Variants in ARID1A observed in about 807,000 individuals in gnomAD.
The protein encoded by ARID1A is AT-rich interactive domain-containing protein 1A.
A neutral mutation model predicts 212.6 loss-of-function variants in ARID1A; 20 were observed. The observed-to-expected ratio is 0.09, with a 90% CI of 0.07 to 0.14. The LOEUF is 0.14. ARID1A is among the 10% of genes least tolerant of loss of function. The pLI, the probability that ARID1A is intolerant of heterozygous loss-of-function variation, is 1.00. For missense variants in ARID1A, 2,587 were observed against 3,059.0 expected (o/e 0.85, Z 3.64); for synonymous variants, 1,376 against 1,222.1 (o/e 1.13, Z -2.63).
At position 26,774,207 on chromosome 1, in the gene ARID1A, AT is replaced by A; in HGVS notation, c.4102-120del. The A allele has an allele frequency of 3.4e-6, 5 of 1,463,194 alleles. No homozygotes were observed. The highest frequency in any genetic ancestry group is 4.5e-6 in the Non-Finnish European group (5 of 1,105,876). 90.6% of individuals were successfully genotyped at this position (1,463,194 alleles called of 1,614,324 possible). On this transcript the variant is annotated intron_variant, in intron 17 of 19. Transcript: ENST00000324856. The surrounding 1 kb of genome is among the most constrained non-coding windows in gnomAD (Gnocchi z 5.6). ...CTTCAAAAGACAATTTGTTAAGGTGATTCCCATGTTTTCTTGGAGTCTGTGT... is the reference window on the plus strand; with the variant it reads ...CTTCAAAAGACAATTTGTTAAGGTGATCCCATGTTTTCTTGGAGTCTGTGT...
rs2124126698 is a variant in ARID1A at position 26,775,637 on chromosome 1, C to T, written c.5054C>T (p.Thr1685Ile). Reference sequence around the variant, plus strand: ...AAGTCTGGTCTCCTGGCAGAGAGCACATGGGCATTAGATACCATCAACATC... The same window carrying T: ...AAGTCTGGTCTCCTGGCAGAGAGCATATGGGCATTAGATACCATCAACATC... ...SLKSGLLAES[T>I]WALDTINILL... Residue 1685 changes from threonine to isoleucine, a missense_variant, in exon 19 of 20, where the codon ACA becomes ATA. Physicochemically the swap from Thr to Ile is moderately conservative, Grantham distance 89. Coordinates refer to ENST00000324856, the MANE Select transcript of ARID1A (RefSeq NM_006015.6). 6.2e-7 allele frequency: 1 copy of T among 1,614,172 alleles called. No individual in the cohort carries two copies. The highest frequency in any genetic ancestry group is 8.5e-7 in the Non-Finnish European group (1 of 1,180,034).
chr1:26,764,493 T>C (rs571434394), intron 8 of ARID1A: 1 of 152,328 alleles, frequency 6.6e-6, no homozygotes, highest in East Asian at 1.9e-4. Flanking sequence ...TTTTATGTGG[T>C]CCTACGTGTT....
intron 4 of ARID1A, among the ~76,000 whole-genome samples, chr1:26,753,679 T>C (rs996208114): frequency 1.3e-5 from 2 of 152,194 alleles, no homozygotes; most frequent in Admixed American, 6.5e-5. Flanking sequence ...TCAGCAGGAT[T>C]ATACTTGGAG....
At chr1:26,760,697 ATTT>A (rs890514165) in intron 4 of ARID1A, among the ~76,000 whole-genome samples, 156 bp from the exon 5 acceptor site, 1 of 149,856 alleles carries the variant, frequency 6.7e-6, no homozygotes, top group Non-Finnish European at 1.5e-5. Flanking sequence ...AAAAAAAAAA[ATTT>A]TTTTTTTTAA....
chr1:26,757,550 C>T (rs939037605), intron 4 of ARID1A, among the ~76,000 whole-genome samples: 3 of 151,948 alleles, frequency 2.0e-5, no homozygotes, highest in African/African-American at 7.3e-5. Context: ...TTGAGGGCAA[C>T]AGAAGGACAG....
Position 26,771,448 on chromosome 1 carries a change from C to T in ARID1A, c.3406+122C>T, listed in dbSNP as rs2081082016. On this transcript the variant is annotated intron_variant, in intron 12 of 19. Transcript: ENST00000324856. The surrounding 1 kb of genome is among the most constrained non-coding windows in gnomAD (Gnocchi z 5.4). ...GCCAAGGATCTGTGCTCTGCCTTGC[C>T]CTACCACAGGGCTTAACAGGTTGGC... 8.9e-7 allele frequency: 1 copy of T among 1,129,530 alleles called. No individual in the cohort carries two copies. Among genetic ancestry groups the T allele is most frequent in the Non-Finnish European group, 1.3e-6 (1 of 795,568 alleles). 70.0% of individuals were successfully genotyped at this position (1,129,530 alleles called of 1,614,324 possible).
At chr1:26,749,648 G>C (rs532664755) in intron 4 of ARID1A, among the ~76,000 whole-genome samples, 2 of 152,172 alleles carry the variant, frequency 1.3e-5, no homozygotes, top group Non-Finnish European at 2.9e-5. Context: ...GCAGAGGTGG[G>C]TTAGAACAGC....
At chr1:26,711,279 T>C (rs879764696) in intron 1 of ARID1A, among the ~76,000 whole-genome samples, 6 of 151,868 alleles carry the variant, frequency 4.0e-5, no homozygotes, top group Non-Finnish European at 8.8e-5. Context: ...GCTAATTTTA[T>C]TTATTTATTT....
intron 1 of ARID1A, among the ~76,000 whole-genome samples, chr1:26,709,871 C>T (rs1405409381): frequency 4.0e-5 from 6 of 150,014 alleles, no homozygotes; most frequent in Non-Finnish European, 5.9e-5. Flanking sequence ...CTCGCTCTGT[C>T]GGCCAGGCTG....
chr1:26,773,600 C>CTGA lies in ARID1A; in HGVS notation c.3888_3890dup (p.Pro1296_Glu1297insAsp). 1 of 1,614,184 alleles carries CTGA rather than the reference C, an allele frequency of 6.2e-7. No individual in the cohort carries two copies. Among genetic ancestry groups the CTGA allele is most frequent in the Non-Finnish European group, 8.5e-7 (1 of 1,180,022 alleles). On this transcript the variant is annotated inframe_insertion, in exon 16 of 20. Coordinates refer to ENST00000324856, the MANE Select transcript of ARID1A (RefSeq NM_006015.6). Reference sequence around the variant, plus strand: ...TTTAGGACGGAGCCTGGAATAGGGCCTGAGGGAAACATGAGCACTGGGGCC... The same window carrying CTGA: ...TTTAGGACGGAGCCTGGAATAGGGCCTGATGAGGGAAACATGAGCACTGGGGCC...
At position 26,697,395 on chromosome 1, in the gene ARID1A, A is replaced by C. The variant is rs2080281425; in HGVS notation, c.992A>C (p.Asp331Ala). 11 of 1,327,680 alleles carry C rather than the reference A, an allele frequency of 8.3e-6. No homozygotes were observed. Among genetic ancestry groups the C allele is most frequent in the Non-Finnish European group, 1.0e-5 (11 of 1,047,924 alleles). The allele number at this position is 1,327,680 out of a possible 1,614,324, so 82.2% of individuals were successfully genotyped here. ...GGGGGCGCCGGCAAGGGCCCGGCGGACATGGCCTCGCAGTGTTGGGGGGCT... is the reference window on the plus strand; with the variant it reads ...GGGGGCGCCGGCAAGGGCCCGGCGGCCATGGCCTCGCAGTGTTGGGGGGCT... ...QDGGAGKGPA[D>A]MASQCWGAAA... The change falls in exon 1 of 20, where the codon GAC (aspartate) becomes GCC (alanine). Residue 331 changes from aspartate to alanine, a missense_variant. Coordinates refer to ENST00000324856, the MANE Select transcript of ARID1A (RefSeq NM_006015.6).
In ARID1A at chr1:26,732,725, T is replaced by A. The variant is rs2080692259; in HGVS notation, c.1853T>A (p.Met618Lys). The part of the protein sequence containing the change: ...FGSQASSAPS[M>K]TSSKGGQEDM... ...TCTCAGGCATCCTCAGCCCCCTCAATGACCTCCAGTAAGGGAGGGCAAGAA... is the reference window on the plus strand; with the variant it reads ...TCTCAGGCATCCTCAGCCCCCTCAAAGACCTCCAGTAAGGGAGGGCAAGAA... The change falls in exon 4 of 20, where the codon ATG becomes AAG. Residue 618 changes from methionine (M) to lysine (K), a missense_variant. Met to Lys is a moderately conservative substitution (Grantham distance 95). Coordinates refer to ENST00000324856, the MANE Select transcript of ARID1A (RefSeq NM_006015.6). The A allele has an allele frequency of 6.2e-7, 1 of 1,613,940 alleles. No individual in the cohort carries two copies.
rs1308046470 is a variant in ARID1A, at chr1:26,774,257, A to G, written c.4102-72A>G. On this transcript the variant is annotated intron_variant, in intron 17 of 19. Transcript: ENST00000324856. This position sits in a 1 kb window ranked among gnomAD's most constrained non-coding sequence, Gnocchi z 5.6. Reference sequence around the variant, plus strand: ...GTCCACCAAGCATCTGGTTGTAGCCATCTTGGCATCTGTGGGCTTTATGTC... The same window carrying G: ...GTCCACCAAGCATCTGGTTGTAGCCGTCTTGGCATCTGTGGGCTTTATGTC... 6.6e-7 allele frequency: 1 copy of G among 1,505,948 alleles called. No homozygotes were observed. Among genetic ancestry groups the G allele is most frequent in the Non-Finnish European group, 8.9e-7 (1 of 1,129,402 alleles). The allele number at this position is 1,505,948 out of a possible 1,614,324, so 93.3% of individuals were successfully genotyped here.
chr1:26,738,876 G>GTTTT (rs35110787), intron 4 of ARID1A, among the ~76,000 whole-genome samples: 1 of 116,670 alleles, frequency 8.6e-6, no homozygotes, highest in Non-Finnish European at 1.8e-5. Context: ...CTTTTCTTTT[G>GTTTT]TTTTTTTTTT....
At chr1:26,723,420 T>C (rs2080584807) in intron 1 of ARID1A, among the ~76,000 whole-genome samples, 1 of 152,112 alleles carries the variant, frequency 6.6e-6, no homozygotes, top group Non-Finnish European at 1.5e-5. Flanking sequence ...GGTGCCTTTG[T>C]ATAGGGAGCT....
intron 1 of ARID1A, among the ~76,000 whole-genome samples, chr1:26,705,287 A>G (rs2124754696): frequency 6.6e-6 from 1 of 151,994 alleles, no homozygotes; most frequent in African/African-American, 2.4e-5. Flanking sequence ...ATAGGCTTCC[A>G]CCACCATGCC....
rs1238023708 is a variant in ARID1A, at chr1:26,696,767, G to A, written c.364G>A (p.Gly122Ser). 1.9e-5 allele frequency: 25 copies of A among 1,343,800 alleles called. No individual in the cohort carries two copies. The Admixed American group carries it at 4.5e-4, about 24-fold the overall frequency. The allele number at this position is 1,343,800 out of a possible 1,614,324, so 83.2% of individuals were successfully genotyped here. Residue 122 changes from glycine to serine, a missense_variant, in exon 1 of 20, where the codon GGC becomes AGC. Physicochemically the swap from Gly to Ser is moderately conservative, Grantham distance 56. Coordinates refer to ENST00000324856, the MANE Select transcript of ARID1A (RefSeq NM_006015.6). Reference protein sequence around the residue: ...ALNNNLTEPPGGGGGGSSDGV... With the variant: ...ALNNNLTEPPSGGGGGSSDGV... Reference sequence around the variant, plus strand: ...GAACAATAACCTCACGGAGCCGCCCGGCGGCGGCGGTGGCGGCAGCAGCGA... The same window carrying A: ...GAACAATAACCTCACGGAGCCGCCCAGCGGCGGCGGTGGCGGCAGCAGCGA...
intron 1 of ARID1A, among the ~76,000 whole-genome samples, chr1:26,704,159 C>CTA (rs1184774765): frequency 2.0e-5 from 3 of 152,202 alleles, no homozygotes; most frequent in Admixed American, 2.0e-4. Context: ...AATTTGGACT[C>CTA]TAACCATAAA....
chr1:26,700,278 C>A (rs1426195398), intron 1 of ARID1A, among the ~76,000 whole-genome samples: 1 of 152,224 alleles, frequency 6.6e-6, no homozygotes, highest in Non-Finnish European at 1.5e-5. Flanking sequence ...TGCTCTGTCT[C>A]CATCTTTTCC....
Sources: gnomAD v4.1 joint callset for allele counts (sites outside exome capture counted in the v4.1 genomes callset) on GRCh38, gnomAD v4.1.1 for gene constraint, Gnocchi (gnomAD v3.1) non-coding constraint, MANE v1.5 for transcripts, NCBI Gene and HGNC (gene_info 2026-07-23, HGNC 2026-07-21) for gene names.